ABCA7: variants seen among roughly 807,000 people sequenced by gnomAD.
ABCA7 encodes phospholipid-transporting ATPase ABCA7.
ABCA7 carries 261 observed loss-of-function variants against 227.6 expected under a neutral mutation model. That is an observed-to-expected ratio of 1.15 (90% CI 1.04 to 1.27). ABCA7 has a LOEUF of 1.27. Ranked by LOEUF, ABCA7 falls within the 50% of genes most tolerant of loss-of-function variation. The pLI, the probability that ABCA7 is intolerant of heterozygous loss-of-function variation, is 0.00. For synonymous variants in ABCA7, 1,488 were observed against 1,279.7 expected, an observed-to-expected ratio of 1.16 and a Z score of -3.47; for missense variants, 3,331 against 2,924.5, an observed-to-expected ratio of 1.14 and a Z score of -3.21.
chr19:1,057,553 CGT>C, intron 35 of ABCA7, 124 bp downstream of exon 35: 1 of 974,156 alleles, frequency 1.0e-6, no homozygotes, highest in Non-Finnish European at 1.6e-6. Flanking sequence ...GAGGTGATGC[CGT>C]GTGTGATCCA....
intron 45 of ABCA7, chr19:1,064,525 T>C (rs1599736212): frequency 6.7e-6 from 3 of 446,994 alleles, no homozygotes; most frequent in Non-Finnish European, 1.2e-5. Context: ...CCTGGAGAGG[T>C]GAGGGTGGAT....
At chr19:1,055,070 T>G (rs1426071758) in intron 29 of ABCA7, 27 bp from the exon 30 acceptor site, 1 of 1,595,910 alleles carries the variant, frequency 6.3e-7, no homozygotes, top group Non-Finnish European at 8.6e-7. Context: ...GCAGCGCCCT[T>G]GAGTGTGCAC....
At position 1,058,427 on chromosome 19, in the gene ABCA7, G is replaced by A. The variant is rs372499042; in HGVS notation, c.5149+158G>A. ...TGGGCCAAGTTGGAGGTACAAGAAAGCAGCCATAAAAAGCTAATTCTTAGA... is the reference window on the plus strand; with the variant it reads ...TGGGCCAAGTTGGAGGTACAAGAAAACAGCCATAAAAAGCTAATTCTTAGA... On this transcript the variant is annotated intron_variant, in intron 37 of 46. Transcript: ENST00000263094. 5.1e-3 allele frequency among the ~76,000 whole-genome samples: 776 copies of A among 152,128 alleles called. 15 individuals are homozygous for A. In the South Asian group the frequency reaches 0.062, roughly 12 times the overall value.
chr19:1,042,154 G>T lies in ABCA7; in HGVS notation c.393G>T (p.Thr131=). The part of the protein sequence containing the change: ...TLAGLGKLIA[T]LRAARSTAQP... ...CTGGCCTAGGGAAGCTGATCGCCAC[G>T]CTGAGGGCTGCACGCAGCACGGGTG... Residue 131 remains threonine, a synonymous_variant, in exon 5 of 47, where the codon ACG becomes ACT. Coordinates refer to ENST00000263094, the MANE Select transcript of ABCA7 (RefSeq NM_019112.4). The T allele has an allele frequency of 1.2e-6, 2 of 1,600,062 alleles. No individual in the cohort carries two copies. The highest frequency in any genetic ancestry group is 1.7e-6 in the Non-Finnish European group (2 of 1,179,230).
Position 1,046,997 on chromosome 19 carries a change from C to G in ABCA7, c.1818C>G (p.Ser606Arg). ...FLSCLGPFLL[S>R]AALLVLVLKL... ...GCTGCCTCGGGCCCTTCCTGCTCAG[C>G]GCCGCACTGCTGGTTCTGGTGCTCA... is the stretch of plus-strand genomic sequence containing the variant. The change falls in exon 14 of 47, where the codon AGC (serine) becomes AGG (arginine). Residue 606 changes from serine to arginine, a missense_variant. Coordinates refer to ENST00000263094, the MANE Select transcript of ABCA7 (RefSeq NM_019112.4). 1 of 1,576,548 alleles carries G rather than the reference C, an allele frequency of 6.3e-7. No homozygotes were observed. Among genetic ancestry groups the G allele is most frequent in the Non-Finnish European group, 8.6e-7 (1 of 1,164,206 alleles).
chr19:1,042,950 G>A, intron 7 of ABCA7, 91 bp from the exon 8 acceptor site: 2 of 1,515,700 alleles, frequency 1.3e-6, no homozygotes, highest in Non-Finnish European at 1.8e-6. Context: ...TAGACAGCGA[G>A]AGGGAGAGGC....
chr19:1,043,576 A>G (rs3752230), intron 9 of ABCA7, 103 bp downstream of exon 9: 60,673 of 1,588,730 alleles, frequency 0.038, 1,393 homozygotes, highest in East Asian at 0.076. Flanking sequence ...CACGGAAACT[A>G]TTTGAAGAAG....
At position 1,054,467 on chromosome 19, in the gene ABCA7, A is replaced by G. The variant is rs1429010570; in HGVS notation, c.3727-103A>G. 6.4e-7 allele frequency: 1 copy of G among 1,561,416 alleles called. No homozygotes were observed. Among genetic ancestry groups the G allele is most frequent in the African/African-American group, 1.3e-5 (1 of 74,202 alleles). On this transcript the variant is annotated intron_variant, in intron 27 of 46. Coordinates refer to ENST00000263094, the MANE Select transcript of ABCA7 (RefSeq NM_019112.4). This position sits in a 1 kb window ranked among gnomAD's most constrained non-coding sequence, Gnocchi z 4.8. ...TTCCCAACCCAAAGCACATTTATTGAGGGCACTGGGGAGCCATGGGTGGTT... is the reference window on the plus strand; with the variant it reads ...TTCCCAACCCAAAGCACATTTATTGGGGGCACTGGGGAGCCATGGGTGGTT...
chr19:1,050,498 G>A lies in ABCA7; in HGVS notation c.2553-423G>A, dbSNP rs550063812. ...TTTAATAGGTGCTCTGTGGCCAGGCGTGGTGGCTCAGGCCTGCAATCCCAG... is the reference window on the plus strand; with the variant it reads ...TTTAATAGGTGCTCTGTGGCCAGGCATGGTGGCTCAGGCCTGCAATCCCAG... On this transcript the variant is annotated intron_variant, in intron 18 of 46. Coordinates refer to ENST00000263094, the MANE Select transcript of ABCA7 (RefSeq NM_019112.4). Among the ~76,000 whole-genome samples the A allele has an allele frequency of 1.7e-4, 26 of 152,076 alleles. 1 individual carries two copies. Among genetic ancestry groups the A allele is most frequent in the African/African-American group, 5.1e-4 (21 of 41,508 alleles).
rs1463434289 is a variant in ABCA7, at chr19:1,056,392, A to G, written c.4479A>G (p.Ala1493=). 1.2e-6 allele frequency: 2 copies of G among 1,613,446 alleles called. No homozygotes were observed. The highest frequency in any genetic ancestry group is 1.7e-6 in the Non-Finnish European group (2 of 1,179,942). ...CCTTTGTCAACCGAGCCAGCAACGCAATCCTCCGTGCTCACCTGCCCCCAG... is the reference window on the plus strand; with the variant it reads ...CCTTTGTCAACCGAGCCAGCAACGCGATCCTCCGTGCTCACCTGCCCCCAG... ...MVAFVNRASN[A]ILRAHLPPGP... Residue 1493 remains alanine, a synonymous_variant, in exon 33 of 47, where the codon GCA becomes GCG. Coordinates refer to ENST00000263094, the MANE Select transcript of ABCA7 (RefSeq NM_019112.4). The surrounding 1 kb of genome is among the most constrained non-coding windows in gnomAD (Gnocchi z 4.3).
At chr19:1,063,939 C>A in intron 44 of ABCA7, 76 bp downstream of exon 44, 1 of 1,453,282 alleles carries the variant, frequency 6.9e-7, no homozygotes, top group Admixed American at 2.4e-5. Context: ...AGCACAAGGC[C>A]ACAGGGGATG....
At position 1,051,179 on chromosome 19, in the gene ABCA7, G is replaced by A. The variant is rs200408449; in HGVS notation, c.2709G>A (p.Trp903Ter). 5.5e-5 allele frequency: 88 copies of A among 1,611,312 alleles called. 1 individual carries two copies. The Admixed American group carries it at 1.3e-3, about 23-fold the overall frequency. The change falls in exon 20 of 47, where the codon TGG becomes TGA. Residue 903 changes from tryptophan to a stop codon, truncating the protein, a stop_gained. Transcript: ENST00000263094. LOFTEE classifies it high-confidence loss of function. Reference protein sequence around the residue: ...FDMLTVDEHVWFYGRLKGLSA... With the variant: ...FDMLTVDEHV ...GGCTGACCGTGGACGAGCACGTCTGGTTCTATGGGCGGCTGAAGGGTCTGA... is the reference window on the plus strand; with the variant it reads ...GGCTGACCGTGGACGAGCACGTCTGATTCTATGGGCGGCTGAAGGGTCTGA...
At chr19:1,041,722 T>G in intron 3 of ABCA7, 109 bp from the exon 4 acceptor site, 1 of 1,582,448 alleles carries the variant, frequency 6.3e-7, no homozygotes, top group South Asian at 1.1e-5. Context: ...ATACATGGCA[T>G]GGGAGTGAGC....
chr19:1,061,558 G>T (rs2042656740), intron 40 of ABCA7, among the ~76,000 whole-genome samples: 1 of 151,820 alleles, frequency 6.6e-6, no homozygotes, highest in Non-Finnish European at 1.5e-5. Context: ...AATTAGCTGG[G>T]CATGGTGGCA....
At position 1,047,032 on chromosome 19, in the gene ABCA7, C is replaced by G; in HGVS notation, c.1845+8C>G. The stretch of plus-strand genomic sequence containing the variant: ...CTGGTTCTGGTGCTCAAGGTGGGCG[C>G]GCCTCGGCCTGCCCGGCTGCAGAAT... On this transcript the variant is annotated splice_region_variant and intron_variant, in intron 14 of 46. Coordinates refer to ENST00000263094, the MANE Select transcript of ABCA7 (RefSeq NM_019112.4). 6.4e-7 allele frequency: 1 copy of G among 1,557,314 alleles called. No homozygotes were observed. Among genetic ancestry groups the G allele is most frequent in the Non-Finnish European group, 8.7e-7 (1 of 1,153,548 alleles).
chr19:1,048,823 AC>A (rs375919614), intron 16 of ABCA7, 71 bp from the exon 17 acceptor site: 43,600 of 780,704 alleles, frequency 0.056, 1,437 homozygotes, highest in African/African-American at 0.2. Context: ...AAAAAAAAAA[AC>A]AAAACCCCAA....
chr19:1,055,970 C>T (rs1238403247), intron 31 of ABCA7, 31 bp downstream of exon 31: 1 of 1,574,634 alleles, frequency 6.4e-7, no homozygotes, highest in African/African-American at 1.4e-5. Context: ...GGGTCCCCTG[C>T]CCCAGTTCCA....
At position 1,065,075 on chromosome 19, in the gene ABCA7, G is replaced by C. The variant is rs1348723505; in HGVS notation, c.6189G>C (p.Gly2063=). 1 of 1,568,016 alleles carries C rather than the reference G, an allele frequency of 6.4e-7. No individual in the cohort carries two copies. Among genetic ancestry groups the C allele is most frequent in the African/African-American group, 1.4e-5 (1 of 73,648 alleles). Residue 2063 remains glycine (G), a synonymous_variant, in exon 46 of 47, where the codon GGG becomes GGC. Transcript: ENST00000263094. The stretch of plus-strand genomic sequence containing the variant: ...TGCGCTTCCAGCTGCCGCCGGGAGG[G>C]CGCTGCGCCCTGGCGCGCGTCTTTG... ...GRLRFQLPPG[G]RCALARVFGE...
At chr19:1,059,545 G>A (rs1451073872) in intron 40 of ABCA7, among the ~76,000 whole-genome samples, 2 of 145,650 alleles carry the variant, frequency 1.4e-5, no homozygotes, top group Non-Finnish European at 3.0e-5. Flanking sequence ...GATTACAAGC[G>A]TGAGCCACCA....
Sources: gnomAD v4.1 joint callset for allele counts (sites outside exome capture counted in the v4.1 genomes callset) on GRCh38, gnomAD v4.1.1 for gene constraint, Gnocchi (gnomAD v3.1) non-coding constraint, MANE v1.5 for transcripts, NCBI Gene and HGNC (gene_info 2026-07-23, HGNC 2026-07-21) for gene names.